Variants in TENM2 observed in about 807,000 individuals in gnomAD.
The protein encoded by TENM2 is teneurin-2.
Under a neutral mutation model 245.2 loss-of-function variants are expected in TENM2, and 52 were observed. The ratio of observed to expected loss-of-function variants is 0.21; its 90% confidence interval spans 0.17 to 0.27. The LOEUF is 0.27. Ranked by LOEUF, TENM2 falls within the 10% of genes least tolerant of loss-of-function variation. The pLI is 1.00. For missense variants in TENM2, 3,046 were observed against 3,666.8 expected (o/e 0.83, Z 4.37); for synonymous variants, 1,363 against 1,438.9 (o/e 0.95, Z 1.19).
intron 2 of TENM2, among the ~76,000 whole-genome samples, chr5:167,688,976 C>G (rs1396705301): frequency 1.3e-5 from 2 of 152,136 alleles, no homozygotes; most frequent in Non-Finnish European, 2.9e-5. Context: ...AGCAACGGGG[C>G]ACATCGGAGT....
intron 6 of TENM2, among the ~76,000 whole-genome samples, chr5:168,051,472 T>G (rs922819465): frequency 2.6e-5 from 4 of 152,178 alleles, no homozygotes; most frequent in Non-Finnish European, 5.9e-5. Flanking sequence ...AATAAAAAGT[T>G]TGATGGCCAC....
intron 1 of TENM2, among the ~76,000 whole-genome samples, chr5:167,369,368 G>A (rs1380197582): frequency 6.6e-6 from 1 of 152,130 alleles, no homozygotes; most frequent in Non-Finnish European, 1.5e-5. Flanking sequence ...TCCCATCGTC[G>A]TGACCACACT....
At chr5:167,774,300 G>T (rs916142059) in intron 2 of TENM2, among the ~76,000 whole-genome samples, 1 of 152,142 alleles carries the variant, frequency 6.6e-6, no homozygotes, top group African/African-American at 2.4e-5. Context: ...GAAATATCCT[G>T]AAGGCAGCTT....
At chr5:168,043,499 A>G (rs550321236) in intron 5 of TENM2, among the ~76,000 whole-genome samples, 1 of 152,332 alleles carries the variant, frequency 6.6e-6, no homozygotes, top group Admixed American at 6.5e-5. Flanking sequence ...AGTGGCCCAA[A>G]GTATGTGCTA....
chr5:167,532,392 A>G (rs935471958), intron 2 of TENM2, among the ~76,000 whole-genome samples: 3 of 152,002 alleles, frequency 2.0e-5, no homozygotes, highest in Non-Finnish European at 4.4e-5. Flanking sequence ...TTATACAGGA[A>G]AGAGGTTTAA....
At chr5:167,117,356 A>G in the TENM2 span, among the ~76,000 whole-genome samples, 3 of 152,146 alleles carry the variant, frequency 2.0e-5, no homozygotes, top group African/African-American at 7.2e-5. Flanking sequence ...ACAAAAAATT[A>G]GCCAGGTGTG....
the TENM2 span, among the ~76,000 whole-genome samples, chr5:167,219,550 A>T: frequency 6.6e-6 from 1 of 152,170 alleles, no homozygotes; most frequent in South Asian, 2.1e-4. Context: ...TTAGGGAGGG[A>T]TGTTAATGGA....
intron 2 of TENM2, among the ~76,000 whole-genome samples, chr5:167,462,540 A>G (rs73801227): frequency 0.051 from 7,732 of 152,110 alleles, 284 homozygotes; most frequent in East Asian, 0.13. Context: ...GCCAATGGAG[A>G]TGACTTTCAG....
intron 2 of TENM2, chr5:167,821,046 T>C (rs1461227641): frequency 6.6e-6 from 1 of 151,604 alleles, no homozygotes; most frequent in Admixed American, 6.6e-5. Flanking sequence ...AGGTGGGGAG[T>C]GGGGTAAGGA....
chr5:167,699,434 T>C (rs189122254), intron 2 of TENM2, among the ~76,000 whole-genome samples: 1 of 152,192 alleles, frequency 6.6e-6, no homozygotes, highest in African/African-American at 2.4e-5. Context: ...CGGCTTATTT[T>C]ACCTTATTTT....
chr5:167,449,422 C>T (rs1030668), intron 2 of TENM2, among the ~76,000 whole-genome samples: 23,029 of 151,806 alleles, frequency 0.15, 1,863 homozygotes, highest in East Asian at 0.25. Context: ...GCAGACATAA[C>T]GCCTCAACAA....
chr5:167,694,851 AT>A (rs1298475454), intron 2 of TENM2, among the ~76,000 whole-genome samples: 4 of 152,156 alleles, frequency 2.6e-5, no homozygotes, highest in Non-Finnish European at 5.9e-5. Flanking sequence ...AGAAAAAAAA[AT>A]TGTCATCACA....
At chr5:167,438,696 C>CGCCAAGTTTTTACACATATGCCATG (rs1764714958) in intron 2 of TENM2, among the ~76,000 whole-genome samples, 1 of 152,134 alleles carries the variant, frequency 6.6e-6, no homozygotes, top group South Asian at 2.1e-4. Context: ...CGCATCTGGC[C>CGCCAAGTTTTTACACATATGCCATG]TGAACAAACA....
chr5:167,742,368 T>TAAAA (rs75184865), intron 2 of TENM2, among the ~76,000 whole-genome samples: 20 of 142,544 alleles, frequency 1.4e-4, no homozygotes, highest in African/African-American at 3.6e-4. Context: ...ATAGATAAAT[T>TAAAA]AAAAAAAAAA....
intron 5 of TENM2, among the ~76,000 whole-genome samples, chr5:168,032,758 A>G (rs529497654): frequency 6.6e-6 from 1 of 152,288 alleles, no homozygotes; most frequent in Admixed American, 6.5e-5. Flanking sequence ...GCCTTTCCTC[A>G]GCCGCTGGTG....
intron 3 of TENM2, among the ~76,000 whole-genome samples, chr5:167,948,046 T>A (rs983550621): frequency 2.6e-5 from 4 of 152,180 alleles, no homozygotes; most frequent in Non-Finnish European, 5.9e-5. Context: ...TTAGGCAGAA[T>A]GCAACAACAA....
chr5:167,114,995 T>C, the TENM2 span, among the ~76,000 whole-genome samples: 1 of 152,226 alleles, frequency 6.6e-6, no homozygotes, highest in Non-Finnish European at 1.5e-5. Context: ...GTAAAGGGCA[T>C]TAGCATCAGG....
the TENM2 span, among the ~76,000 whole-genome samples, chr5:167,131,428 T>A: frequency 3.3e-5 from 5 of 152,156 alleles, no homozygotes; most frequent in African/African-American, 1.2e-4. Flanking sequence ...AGTGCCTGTG[T>A]CCTAATCCCT....
intron 2 of TENM2, among the ~76,000 whole-genome samples, chr5:167,834,064 T>C (rs1449488537): frequency 6.7e-6 from 1 of 148,406 alleles, no homozygotes; most frequent in Non-Finnish European, 1.5e-5. Context: ...CTTGCTTTTA[T>C]GGAGCTGACA....
Sources: gnomAD v4.1 joint callset for allele counts (sites outside exome capture counted in the v4.1 genomes callset) on GRCh38, gnomAD v4.1.1 for gene constraint, MANE v1.5 for transcripts, NCBI Gene and HGNC (gene_info 2026-07-23, HGNC 2026-07-21) for gene names.